JAKMIP1: variants seen among roughly 807,000 people sequenced by gnomAD.
JAKMIP1 encodes the protein janus kinase and microtubule interacting protein 1.
In JAKMIP1, 33 loss-of-function variants were observed where a neutral mutation model predicts 113.0. The ratio of observed to expected loss-of-function variants is 0.29; its 90% confidence interval spans 0.22 to 0.39. The LOEUF (loss-of-function observed/expected upper bound fraction) is 0.39, where lower values mean the gene tolerates loss of function less well. JAKMIP1 is among the 10% of genes least tolerant of loss of function. The pLI is 1.00. For missense variants in JAKMIP1, 813 were observed against 1,080.5 expected (o/e 0.75, Z 3.47); for synonymous variants, 480 against 459.9 (o/e 1.04, Z -0.56).
At chr4:6,125,505 G>T (rs1008183474) in intron 1 of JAKMIP1, among the ~76,000 whole-genome samples, 1 of 151,998 alleles carries the variant, frequency 6.6e-6, no homozygotes, top group Admixed American at 6.5e-5. Context: ...AGTCCGTTAT[G>T]TGTCCAGGAG....
intron 7 of JAKMIP1, among the ~76,000 whole-genome samples, chr4:6,079,260 A>G (rs1720149273): frequency 6.6e-6 from 1 of 152,196 alleles, no homozygotes; most frequent in Non-Finnish European, 1.5e-5. Context: ...TGAAGCAAAG[A>G]TGGATGGATA....
At chr4:6,078,846 C>A in intron 8 of JAKMIP1, 93 bp downstream of exon 8, 1 of 1,170,628 alleles carries the variant, frequency 8.5e-7, no homozygotes, top group Non-Finnish European at 1.3e-6. Flanking sequence ...GCTTCAGGAC[C>A]CCTCTGTAAA....
At chr4:6,074,239 G>A (rs932619758) in intron 8 of JAKMIP1, among the ~76,000 whole-genome samples, 2 of 152,220 alleles carry the variant, frequency 1.3e-5, no homozygotes, top group Non-Finnish European at 2.9e-5. Flanking sequence ...TGCCCTGACT[G>A]CATCTTCTGC....
intron 19 of JAKMIP1, among the ~76,000 whole-genome samples, chr4:6,034,977 A>G (rs1221131303): frequency 2.6e-5 from 4 of 152,208 alleles, no homozygotes; most frequent in African/African-American, 9.7e-5. Context: ...GGAGAGGAGC[A>G]TGCTGCTAGC....
intron 1 of JAKMIP1, among the ~76,000 whole-genome samples, chr4:6,175,362 G>A (rs555270997): frequency 2.6e-5 from 4 of 152,172 alleles, no homozygotes; most frequent in African/African-American, 4.8e-5. Flanking sequence ...CTACATTCAC[G>A]CTGCCTCTGG....
At position 6,190,013 on chromosome 4, in the gene JAKMIP1, C is replaced by G. The variant is rs74543882; in HGVS notation, c.-148+10240G>C. 2.1e-4 allele frequency among the ~76,000 whole-genome samples: 32 copies of G among 152,292 alleles called. No individual in the cohort carries two copies. In the East Asian group the frequency reaches 6.2e-3, roughly 29 times the overall value. ...AAAGCCCCATTAGTCCATTCCCCTG[C>G]CCCTGGGCCTGTCTGAATCTAGCCC... On this transcript the variant is annotated intron_variant, in intron 1 of 20. Coordinates refer to ENST00000409021, the MANE Select transcript of JAKMIP1 (RefSeq NM_001099433.2).
chr4:6,057,676 C>T (rs1182661559), intron 11 of JAKMIP1, among the ~76,000 whole-genome samples: 1 of 152,230 alleles, frequency 6.6e-6, no homozygotes, highest in African/African-American at 2.4e-5. Flanking sequence ...GCAACACTCC[C>T]TCCCACCTCT....
chr4:6,064,807 A>T lies in JAKMIP1; in HGVS notation c.1431+73T>A, dbSNP rs1348972157. 1 of 1,598,918 alleles carries T rather than the reference A, an allele frequency of 6.3e-7. No individual in the cohort carries two copies. Among genetic ancestry groups the T allele is most frequent in the African/African-American group, 1.3e-5 (1 of 74,386 alleles). On this transcript the variant is annotated intron_variant, in intron 9 of 20. Transcript: ENST00000409021. This position sits in a 1 kb window ranked among gnomAD's most constrained non-coding sequence, Gnocchi z 4.3. ...TATAGGCAAGGGAGCGAAACTTGCA[A>T]CTATCAAAAGCAGGAGGTGCCGCCC...
chr4:6,182,410 G>GAAAAAA (rs56678982), intron 1 of JAKMIP1, among the ~76,000 whole-genome samples: 2 of 120,292 alleles, frequency 1.7e-5, no homozygotes, highest in South Asian at 2.9e-4. Context: ...CCCTGTCTCA[G>GAAAAAA]AAAAAAAAAA....
At chr4:6,075,066 G>A (rs181042012) in intron 8 of JAKMIP1, among the ~76,000 whole-genome samples, 1 of 152,330 alleles carries the variant, frequency 6.6e-6, no homozygotes, top group African/African-American at 2.4e-5. Flanking sequence ...GTATTGTTTA[G>A]TGAATAATGA....
At chr4:6,077,528 T>C (rs540084719) in intron 8 of JAKMIP1, among the ~76,000 whole-genome samples, 2 of 140,806 alleles carry the variant, frequency 1.4e-5, no homozygotes, top group South Asian at 4.6e-4. Flanking sequence ...GCTCTGTCAC[T>C]GAGGCTGGAG....
At chr4:6,147,502 C>T in intron 1 of JAKMIP1, among the ~76,000 whole-genome samples, 1 of 152,206 alleles carries the variant, frequency 6.6e-6, no homozygotes, top group East Asian at 1.9e-4. Context: ...CTCTGCTGGC[C>T]CAAATGTCTT....
intron 3 of JAKMIP1, among the ~76,000 whole-genome samples, chr4:6,105,130 C>G (rs1204002621): frequency 6.6e-6 from 1 of 152,220 alleles, no homozygotes; most frequent in Non-Finnish European, 1.5e-5. Flanking sequence ...GCCGGCCTGC[C>G]CTGACCTGTG....
intron 18 of JAKMIP1, among the ~76,000 whole-genome samples, chr4:6,037,944 G>A (rs1279163357): frequency 7.8e-6 from 1 of 127,542 alleles, no homozygotes; most frequent in Non-Finnish European, 1.7e-5. Context: ...TGAGTCAGAG[G>A]TTAACCCAGT....
intron 3 of JAKMIP1, among the ~76,000 whole-genome samples, chr4:6,103,835 C>T (rs1355501988): frequency 2.0e-5 from 3 of 152,076 alleles, no homozygotes; most frequent in Admixed American, 6.6e-5. Flanking sequence ...GGTATTTCCC[C>T]CTTTACATTT....
chr4:6,066,995 C>G (rs1718193220), intron 8 of JAKMIP1, among the ~76,000 whole-genome samples: 3 of 152,162 alleles, frequency 2.0e-5, no homozygotes, highest in African/African-American at 7.2e-5. Context: ...TCCCTTAGGT[C>G]TCTGCACAAA....
At chr4:6,127,857 C>T (rs1450988100) in intron 1 of JAKMIP1, among the ~76,000 whole-genome samples, 3 of 152,242 alleles carry the variant, frequency 2.0e-5, no homozygotes, top group Non-Finnish European at 4.4e-5. Context: ...AAAACTGACG[C>T]CCGTCTAACC....
At chr4:6,039,767 G>A (rs541667272) in intron 18 of JAKMIP1, among the ~76,000 whole-genome samples, 98 of 152,282 alleles carry the variant, frequency 6.4e-4, no homozygotes, top group African/African-American at 2.3e-3. Context: ...AGTTGCACCG[G>A]CCTTCATGTC....
chr4:6,164,605 G>A (rs545848179), intron 1 of JAKMIP1, among the ~76,000 whole-genome samples: 2 of 152,162 alleles, frequency 1.3e-5, no homozygotes, highest in South Asian at 4.1e-4. Context: ...TCTGAGCAAA[G>A]TACATTGAAA....
Sources: gnomAD v4.1 joint callset for allele counts (sites outside exome capture counted in the v4.1 genomes callset) on GRCh38, gnomAD v4.1.1 for gene constraint, Gnocchi (gnomAD v3.1) non-coding constraint, MANE v1.5 for transcripts, NCBI Gene and HGNC (gene_info 2026-07-23, HGNC 2026-07-21) for gene names.